LRBA: variants seen among roughly 807,000 people sequenced by gnomAD.
The protein encoded by LRBA is lipopolysaccharide-responsive and beige-like anchor protein.
In LRBA, 176 loss-of-function variants were observed where a neutral mutation model predicts 330.0. The ratio of observed to expected loss-of-function variants is 0.53; its 90% CI spans 0.47 to 0.60. The LOEUF (loss-of-function observed/expected upper bound fraction) is 0.60. LRBA is among the 20% of genes least tolerant of loss of function. The pLI is 0.00. For missense variants in LRBA, 3,259 were observed against 3,444.8 expected (o/e 0.95, Z 1.35); for synonymous variants, 1,230 against 1,193.0 (o/e 1.03, Z -0.64).
intron 44 of LRBA, among the ~76,000 whole-genome samples, chr4:150,438,420 G>C (rs888758640): frequency 9.2e-5 from 14 of 152,084 alleles, no homozygotes; most frequent in Non-Finnish European, 2.1e-4. Flanking sequence ...GCACCTTAAA[G>C]CCTACAGTGA....
At position 150,562,366 on chromosome 4, in the gene LRBA, A is replaced by C. The variant is rs866334390; in HGVS notation, c.6330+25682T>G. 2.0e-5 allele frequency among the ~76,000 whole-genome samples: 3 copies of C among 152,210 alleles called. No homozygotes were observed. In the South Asian group the frequency reaches 6.2e-4, roughly 31 times the overall value. On this transcript the variant is annotated intron_variant, in intron 40 of 56. Transcript: ENST00000651943. Reference sequence around the variant, plus strand: ...TACATATATATTCAGCCTATCTGCAAAATGTAATGGGACAGCAGCAGGAAT... The same window carrying C: ...TACATATATATTCAGCCTATCTGCACAATGTAATGGGACAGCAGCAGGAAT...
rs140061169 is a variant in LRBA, at chr4:150,523,370, C to T, written c.6331-32335G>A. 3.9e-3 allele frequency among the ~76,000 whole-genome samples: 591 copies of T among 152,196 alleles called. 4 individuals carry two copies. The highest frequency in any genetic ancestry group is 0.013 in the African/African-American group (554 of 41,518). On this transcript the variant is annotated intron_variant, in intron 40 of 56. Coordinates refer to ENST00000651943, the MANE Select transcript of LRBA (RefSeq NM_001364905.1). ...AAAGGGCTGAAGGTTGAAGGGGCCA[C>T]TATCTTACCCTTTCTCCATGGGAGG...
chr4:150,997,764 C>T (rs547976969), intron 2 of LRBA, among the ~76,000 whole-genome samples: 4 of 151,646 alleles, frequency 2.6e-5, no homozygotes, highest in African/African-American at 9.7e-5. Context: ...AGTGCAGTGG[C>T]GCAATCTTGG....
At chr4:150,434,107 G>T (rs540086991) in intron 46 of LRBA, among the ~76,000 whole-genome samples, 1 of 151,882 alleles carries the variant, frequency 6.6e-6, no homozygotes, top group East Asian at 1.9e-4. Context: ...TTCTCCTTTT[G>T]GACTCCAATA....
At chr4:151,000,367 A>G (rs193281306) in intron 2 of LRBA, among the ~76,000 whole-genome samples, 9 of 152,262 alleles carry the variant, frequency 5.9e-5, no homozygotes, top group Admixed American at 1.3e-4. Context: ...ACCTCAGCAC[A>G]TGATTTTTTT....
intron 48 of LRBA, among the ~76,000 whole-genome samples, chr4:150,327,127 A>G (rs1733380527): frequency 6.6e-6 from 1 of 152,298 alleles, no homozygotes; most frequent in African/African-American, 2.4e-5. Context: ...TGAGAACTTT[A>G]TATCTTTTTG....
At chr4:150,837,132 T>C (rs1422823362) in intron 28 of LRBA, among the ~76,000 whole-genome samples, 2 of 152,252 alleles carry the variant, frequency 1.3e-5, no homozygotes, top group African/African-American at 2.4e-5. Flanking sequence ...TCCTGAGTTC[T>C]AGTTTGATTG....
intron 42 of LRBA, among the ~76,000 whole-genome samples, chr4:150,472,841 C>T (rs1581415723): frequency 6.6e-6 from 1 of 151,962 alleles, no homozygotes; most frequent in East Asian, 1.9e-4. Context: ...CTTTTTATTG[C>T]TGACTAGTAT....
At chr4:151,008,901 C>T (rs769558320) in intron 2 of LRBA, among the ~76,000 whole-genome samples, 22 of 137,430 alleles carry the variant, frequency 1.6e-4, no homozygotes, top group Non-Finnish European at 2.9e-4. Flanking sequence ...ACCCGGGAGG[C>T]GGAGGTTGCA....
In LRBA at chr4:150,962,004, T is replaced by C. The variant is rs972708079; in HGVS notation, c.217-32939A>G. ...TGCCCAAGATCTCAGAGGCAAGAAG[T>C]GGTGCTGCTAGAATTTCAACCTAGG... is the stretch of plus-strand genomic sequence containing the variant. On this transcript the variant is annotated intron_variant, in intron 2 of 56. Transcript: ENST00000651943. 5.4e-5 allele frequency among the ~76,000 whole-genome samples: 8 copies of C among 149,284 alleles called. 1 individual carries two copies. Among genetic ancestry groups the C allele is most frequent in the Non-Finnish European group, 8.8e-5 (6 of 68,014 alleles).
At position 150,850,771 on chromosome 4, in the gene LRBA, G is replaced by A. The variant is rs773185579; in HGVS notation, c.3957C>T (p.Leu1319=). 6.2e-7 allele frequency: 1 copy of A among 1,613,420 alleles called. No homozygotes were observed. The highest frequency in any genetic ancestry group is 1.7e-5 in the Admixed American group (1 of 59,990). The change falls in exon 24 of 57, where the codon CTC becomes CTT. Residue 1319 remains leucine, a synonymous_variant. Coordinates refer to ENST00000651943, the MANE Select transcript of LRBA (RefSeq NM_001364905.1). The part of the protein sequence containing the change: ...FNWSQMHQRL[L]TDLLFSIETD... ...TTTCTATTGAAAATAATAGATCAGT[G>A]AGCAAACGTTGATGCATCTGAGACC...
chr4:150,615,282 T>C (rs1235665872), intron 37 of LRBA, among the ~76,000 whole-genome samples: 1 of 152,204 alleles, frequency 6.6e-6, no homozygotes, highest in Non-Finnish European at 1.5e-5. Flanking sequence ...TTTTATTCTC[T>C]GTGGAATGAG....
At chr4:150,803,099 CACACACACACAT>C (rs1422140705) in intron 33 of LRBA, among the ~76,000 whole-genome samples, 2 of 147,064 alleles carry the variant, frequency 1.4e-5, no homozygotes, top group African/African-American at 2.5e-5. Flanking sequence ...CACACACACA[CACACACACACAT>C]ATATACACAC....
At chr4:150,430,110 T>C (rs1750176720) in intron 46 of LRBA, among the ~76,000 whole-genome samples, 1 of 152,144 alleles carries the variant, frequency 6.6e-6, no homozygotes, top group Non-Finnish European at 1.5e-5. Flanking sequence ...CTCTCTCTCA[T>C]CTTACAAGAC....
At chr4:150,644,242 C>A (rs1196232850) in intron 37 of LRBA, among the ~76,000 whole-genome samples, 1 of 151,752 alleles carries the variant, frequency 6.6e-6, no homozygotes, top group African/African-American at 2.4e-5. Flanking sequence ...TCAATATTAC[C>A]AAACAAAGCA....
intron 36 of LRBA, among the ~76,000 whole-genome samples, chr4:150,692,218 G>C (rs1784203895): frequency 6.6e-6 from 1 of 151,990 alleles, no homozygotes; most frequent in Admixed American, 6.6e-5. Flanking sequence ...TTGTTTGTTT[G>C]TTTGTTTGTT....
At chr4:150,821,367 A>G (rs1578889884) in intron 30 of LRBA, among the ~76,000 whole-genome samples, 1 of 152,280 alleles carries the variant, frequency 6.6e-6, no homozygotes. Context: ...AAATTATCAT[A>G]TTTAATTTAT....
chr4:150,353,562 T>G (rs1737442629), intron 47 of LRBA, among the ~76,000 whole-genome samples: 1 of 152,206 alleles, frequency 6.6e-6, no homozygotes, highest in African/African-American at 2.4e-5. Context: ...TACTTCTTTA[T>G]GCACACTCAA....
chr4:150,933,265 G>T (rs1052032777), intron 2 of LRBA, among the ~76,000 whole-genome samples: 5 of 151,252 alleles, frequency 3.3e-5, no homozygotes, highest in African/African-American at 1.2e-4. Context: ...ACACGTGCCT[G>T]TAATCCCAAC....
Sources: allele counts gnomAD v4.1 joint callset (sites outside exome capture counted in the v4.1 genomes callset), GRCh38; gene constraint gnomAD v4.1.1; transcripts MANE v1.5; gene names NCBI Gene and HGNC (gene_info 2026-07-23, HGNC 2026-07-21).